The following TGFB2 variants were observed in gnomAD, a reference collection of about 807,000 sequenced individuals.
TGFB2 encodes transforming growth factor beta 2.
A neutral mutation model predicts 42.7 loss-of-function variants in TGFB2; 13 were observed. That is an observed-to-expected ratio of 0.30 (90% CI 0.20 to 0.48). The LOEUF (loss-of-function observed/expected upper bound fraction) is 0.48, where lower values mean the gene tolerates loss of function less well. TGFB2 is among the 20% of genes least tolerant of loss of function. The probability of loss-of-function intolerance (pLI) is 0.99; values close to 1 mark genes in which losing one functional copy is unlikely to be tolerated. For synonymous variants in TGFB2, 193 were observed against 193.6 expected (o/e 1.00, Z 0.03); for missense variants, 390 against 517.5 (o/e 0.75, Z 2.39).
intron 2 of TGFB2, among the ~76,000 whole-genome samples, chr1:218,411,888 G>T (rs1473964758): frequency 1.3e-5 from 2 of 150,946 alleles, no homozygotes; most frequent in African/African-American, 4.9e-5. Flanking sequence ...AAAAATAGCA[G>T]GCCCAGAAAT....
intron 1 of TGFB2, among the ~76,000 whole-genome samples, chr1:218,402,409 C>A (rs1447848933): frequency 6.6e-6 from 1 of 152,082 alleles, no homozygotes; most frequent in East Asian, 1.9e-4. Context: ...TGCAAACTCC[C>A]CTTCAAAGCT....
intron 2 of TGFB2, among the ~76,000 whole-genome samples, chr1:218,406,469 A>G (rs1288658683): frequency 4.6e-5 from 7 of 152,196 alleles, no homozygotes; most frequent in Non-Finnish European, 8.8e-5. Flanking sequence ...CAGAATCCCC[A>G]TTTTAACAAG....
intron 1 of TGFB2, 116 bp downstream of exon 1, chr1:218,347,163 C>G (rs1305301241): frequency 1.0e-5 from 9 of 904,488 alleles, no homozygotes; most frequent in Middle Eastern, 3.1e-4. Flanking sequence ...GCTCTTTTCC[C>G]GTTCTCCTGT....
intron 1 of TGFB2, among the ~76,000 whole-genome samples, chr1:218,354,470 C>A (rs1359467779): frequency 6.6e-6 from 1 of 152,154 alleles, no homozygotes; most frequent in Non-Finnish European, 1.5e-5. Flanking sequence ...CATAGCTAAC[C>A]TTTATTGAAG....
chr1:218,431,277 T>C (rs1659798933), intron 2 of TGFB2, among the ~76,000 whole-genome samples: 1 of 152,210 alleles, frequency 6.6e-6, no homozygotes, highest in Admixed American at 6.5e-5. Context: ...GCTCTTATCG[T>C]AGTTCTCCTA....
Position 218,417,639 on chromosome 1 carries a change from A to G in TGFB2, c.510+12307A>G, listed in dbSNP as rs889349924. Among the ~76,000 whole-genome samples, 7 of 152,374 alleles carry G rather than the reference A, an allele frequency of 4.6e-5. No homozygotes were observed. The South Asian group carries it at 8.3e-4, about 18-fold the overall frequency. ...ACAATGGGAAAAATGTCTCCAGAGC[A>G]TGCCAGAGGTCTTCATGGCAGCCCC... On this transcript the variant is annotated intron_variant, in intron 2 of 6. Coordinates refer to ENST00000366930, the MANE Select transcript of TGFB2 (RefSeq NM_003238.6).
At chr1:218,434,044 C>T (rs1426283328) in intron 2 of TGFB2, 38 bp from the exon 3 acceptor site, 1 of 1,608,472 alleles carries the variant, frequency 6.2e-7, no homozygotes, top group Admixed American at 1.7e-5. Context: ...TGTCAGAATG[C>T]CAACTCAGCC....
intron 1 of TGFB2, among the ~76,000 whole-genome samples, chr1:218,390,328 G>A (rs1658278119): frequency 6.6e-6 from 1 of 151,030 alleles, no homozygotes; most frequent in Admixed American, 6.6e-5. Flanking sequence ...CAGATCTTAA[G>A]CTTCCCCAAA....
At chr1:218,421,504 A>G (rs1659454618) in intron 2 of TGFB2, among the ~76,000 whole-genome samples, 3 of 152,098 alleles carry the variant, frequency 2.0e-5, no homozygotes, top group Admixed American at 1.3e-4. Context: ...GTAAGCTGCC[A>G]TGAAAAATAC....
At chr1:218,375,381 C>T (rs1003811319) in intron 1 of TGFB2, among the ~76,000 whole-genome samples, 2 of 146,764 alleles carry the variant, frequency 1.4e-5, no homozygotes, top group Admixed American at 1.4e-4. Flanking sequence ...TGTGTAACAT[C>T]GAGAAAGTCA....
rs147371506 is a variant in TGFB2, at chr1:218,401,642, G to A, written c.347-3527G>A. On this transcript the variant is annotated intron_variant, in intron 1 of 6. Transcript: ENST00000366930. ...ACAAGTACCTGACCACCTGGCAATGGAATAGGAACTGGGATGCGCATTACA... is the reference window on the plus strand; with the variant it reads ...ACAAGTACCTGACCACCTGGCAATGAAATAGGAACTGGGATGCGCATTACA... Among the ~76,000 whole-genome samples the A allele has an allele frequency of 1.8e-4, 27 of 152,332 alleles. 1 individual carries two copies. The highest frequency in any genetic ancestry group is 6.8e-3 in the Middle Eastern group (2 of 294).
At chr1:218,379,284 C>G (rs1469125607) in intron 1 of TGFB2, among the ~76,000 whole-genome samples, 1 of 151,732 alleles carries the variant, frequency 6.6e-6, no homozygotes, top group African/African-American at 2.4e-5. Flanking sequence ...AGGCGCCCGC[C>G]ACCACACCTG....
At chr1:218,358,644 G>T (rs1207164228) in intron 1 of TGFB2, among the ~76,000 whole-genome samples, 1 of 151,564 alleles carries the variant, frequency 6.6e-6, no homozygotes, top group East Asian at 1.9e-4. Flanking sequence ...TGCCTCCGGG[G>T]TTCATGCCAT....
rs534357529 is a variant in TGFB2 at position 218,435,807 on chromosome 1, T to C, written c.755-163T>C. 3.7e-4 allele frequency among the ~76,000 whole-genome samples: 56 copies of C among 152,366 alleles called. 1 individual carries two copies. The South Asian group carries it at 5.8e-3, about 16-fold the overall frequency. ...TTGTCACGTGGGTTAGTCGTAGTCCTGTTGTGCCATATCTATTTCCATGGG... is the reference window on the plus strand; with the variant it reads ...TTGTCACGTGGGTTAGTCGTAGTCCCGTTGTGCCATATCTATTTCCATGGG... On this transcript the variant is annotated intron_variant, in intron 4 of 6. Transcript: ENST00000366930.
chr1:218,415,699 G>GAAAAAAA (rs1174137652), intron 2 of TGFB2, among the ~76,000 whole-genome samples: 1 of 61,664 alleles, frequency 1.6e-5, no homozygotes, highest in Non-Finnish European at 3.7e-5. Context: ...TGTCTCAAAA[G>GAAAAAAA]AAAAAAAAAA....
chr1:218,409,774 T>C (rs544497774), intron 2 of TGFB2, among the ~76,000 whole-genome samples: 1 of 152,356 alleles, frequency 6.6e-6, no homozygotes, highest in South Asian at 2.1e-4. Flanking sequence ...CTTTGATTAC[T>C]GTACTACTTG....
At chr1:218,425,033 G>C (rs1161692078) in intron 2 of TGFB2, among the ~76,000 whole-genome samples, 2 of 152,152 alleles carry the variant, frequency 1.3e-5, no homozygotes, top group East Asian at 3.9e-4. Context: ...CTTGTGACTA[G>C]AGCCTGACAT....
intron 2 of TGFB2, among the ~76,000 whole-genome samples, chr1:218,427,666 A>T (rs1274505456): frequency 6.6e-6 from 1 of 152,152 alleles, no homozygotes; most frequent in Non-Finnish European, 1.5e-5. Context: ...ACATGAACTC[A>T]TCCTTTTTTT....
In TGFB2 at chr1:218,442,798, T is replaced by C. The variant is rs1403592175; in HGVS notation, c.*1436T>C. On this transcript the variant is annotated 3_prime_UTR_variant, in exon 7 of 7. Coordinates refer to ENST00000366930, the MANE Select transcript of TGFB2 (RefSeq NM_003238.6). ...GAAAAGGAGGAATGTTATAGATACA[T>C]AGAAAATTGAAGTAAAATGTTTTCA... 6.6e-6 allele frequency: 1 copy of C among 152,100 alleles called. No homozygotes were observed. The highest frequency in any genetic ancestry group is 2.4e-5 in the African/African-American group (1 of 41,432). 9.4% of individuals were successfully genotyped at this position (152,100 alleles called of 1,614,324 possible).
Sources: gnomAD v4.1 joint callset for allele counts (sites outside exome capture counted in the v4.1 genomes callset) on GRCh38, gnomAD v4.1.1 for gene constraint, MANE v1.5 for transcripts, NCBI Gene and HGNC (gene_info 2026-07-23, HGNC 2026-07-21) for gene names.